The following DST variants were observed in gnomAD, a reference collection of about 807,000 sequenced individuals.
DST encodes dystonin.
Under a neutral mutation model 875.2 loss-of-function variants are expected in DST, and 253 were observed. That is an observed-to-expected ratio of 0.29 (90% CI 0.26 to 0.32). The LOEUF is 0.32. DST is among the 10% of genes least tolerant of loss of function. The pLI is 1.00. For missense variants in DST, 8,287 were observed against 9,111.6 expected, an observed-to-expected ratio of 0.91 and a Z score of 3.68; for synonymous variants, 3,124 against 3,197.1, an observed-to-expected ratio of 0.98 and a Z score of 0.77.
intron 63 of DST, among the ~76,000 whole-genome samples, chr6:56,533,434 A>C (rs1291011067): frequency 6.6e-6 from 1 of 152,224 alleles, no homozygotes; most frequent in Non-Finnish European, 1.5e-5. Flanking sequence ...CCAGAAGTAA[A>C]AAGCTAAAAG....
chr6:56,494,663 G>T (rs1370833179), intron 82 of DST, among the ~76,000 whole-genome samples: 1 of 152,098 alleles, frequency 6.6e-6, no homozygotes, highest in East Asian at 1.9e-4. Context: ...AACCAGCACA[G>T]TAATATATTT....
At chr6:56,834,424 C>A (rs1283446630) in intron 4 of DST, among the ~76,000 whole-genome samples, 5 of 152,052 alleles carry the variant, frequency 3.3e-5, no homozygotes, top group African/African-American at 1.2e-4. Context: ...TGGTGAAACT[C>A]CATCTCTACT....
chr6:56,939,563 T>C (rs142817226), intron 2 of DST, among the ~76,000 whole-genome samples: 17 of 152,340 alleles, frequency 1.1e-4, no homozygotes, highest in African/African-American at 3.8e-4. Flanking sequence ...GAAAAATTAC[T>C]TACATAAAGA....
At chr6:56,811,057 ACCTGTAGTCCCAGCTACTT>A (rs1561954871) in intron 4 of DST, among the ~76,000 whole-genome samples, 1 of 151,646 alleles carries the variant, frequency 6.6e-6, no homozygotes, top group African/African-American at 2.4e-5. Flanking sequence ...GGTGGCATGC[ACCTGTAGTCCCAGCTACTT>A]GGGAGGCTGA....
chr6:56,634,018 G>C, intron 27 of DST, 114 bp downstream of exon 27: 1 of 1,207,966 alleles, frequency 8.3e-7, no homozygotes, highest in Non-Finnish European at 1.2e-6. Context: ...ATGAATATTA[G>C]CATGGATTTG....
intron 64 of DST, among the ~76,000 whole-genome samples, chr6:56,531,415 G>A (rs756947281): frequency 6.6e-6 from 1 of 152,092 alleles, no homozygotes; most frequent in Non-Finnish European, 1.5e-5. Context: ...GGCAGCCAGG[G>A]CACAGCTCCC....
chr6:56,676,004 A>G (rs2099127388), intron 9 of DST, among the ~76,000 whole-genome samples: 1 of 152,198 alleles, frequency 6.6e-6, no homozygotes, highest in Admixed American at 6.5e-5. Context: ...TAAAACCACA[A>G]TGAGGTATCA....
chr6:56,616,644 T>C (rs2098626896), intron 36 of DST: 1 of 1,614,188 alleles, frequency 6.2e-7, no homozygotes, highest in Admixed American at 1.7e-5. Context: ...ATGGCATTAT[T>C]CAACAACCCC....
chr6:56,620,482 C>T, intron 36 of DST: 1 of 1,614,116 alleles, frequency 6.2e-7, no homozygotes, highest in Non-Finnish European at 8.5e-7. Flanking sequence ...TTATCTTCTG[C>T]AGAGAGATAT....
chr6:56,605,491 T>C lies in DST; in HGVS notation c.9137A>G (p.Asp3046Gly), dbSNP rs76282567. ...GTACATTTTCTGAATTGATGTTTCA[T>C]CTTCTATTAGAATATCACTTTTGCC... The part of the protein sequence containing the change: ...RDGKSDILIE[D>G]ETSIQKMYLG... Residue 3046 changes from aspartate (D) to glycine (G), a missense_variant, in exon 40 of 104, where the codon GAT (aspartate) becomes GGT (glycine). Physicochemically the swap from Asp to Gly is moderately conservative, Grantham distance 94. Around this residue, in one of 10 missense-constraint regions of DST, gnomAD observed 3,138 missense variants for 3,116.6 expected, o/e 1.01. Coordinates refer to ENST00000680361, the MANE Select transcript of DST (RefSeq NM_001374736.1). 1.9e-3 allele frequency: 2,999 copies of C among 1,612,996 alleles called. 51 individuals carry two copies. The African/African-American group carries it at 0.035, about 19-fold the overall frequency.
chr6:56,816,813 C>G (rs1207277323), intron 4 of DST, among the ~76,000 whole-genome samples: 2 of 143,566 alleles, frequency 1.4e-5, no homozygotes, highest in Non-Finnish European at 3.1e-5. Flanking sequence ...TTTAAATAGG[C>G]TGATTTTTTT....
chr6:56,636,724 CT>C, intron 22 of DST, 72 bp from the exon 23 acceptor site: 1 of 1,174,196 alleles, frequency 8.5e-7, no homozygotes. Context: ...GATATCGATG[CT>C]TCTAAATGCT....
chr6:56,489,344 G>C, intron 86 of DST, 146 bp downstream of exon 86: 1 of 646,686 alleles, frequency 1.5e-6, no homozygotes, highest in Non-Finnish European at 2.3e-6. Context: ...GCAACATGAA[G>C]AGCAATAGCT....
intron 2 of DST, among the ~76,000 whole-genome samples, chr6:56,944,365 A>AC (rs1818317944): frequency 6.6e-6 from 1 of 152,086 alleles, no homozygotes; most frequent in Non-Finnish European, 1.5e-5. Flanking sequence ...CAAAAAAAAA[A>AC]CACTAAATTG....
In DST at chr6:56,527,627, G is replaced by T. The variant is rs753220103; in HGVS notation, c.17788C>A (p.Gln5930Lys). 6.2e-7 allele frequency: 1 copy of T among 1,613,810 alleles called. No individual in the cohort carries two copies. Among genetic ancestry groups the T allele is most frequent in the East Asian group, 2.2e-5 (1 of 44,880 alleles). Residue 5930 changes from glutamine to lysine, a missense_variant, in exon 68 of 104, where the codon CAG (glutamine) becomes AAG (lysine). Physicochemically the swap from Gln to Lys is moderately conservative, Grantham distance 53. This residue lies in a region of DST where 777 missense variants were observed against 764.8 expected (regional missense o/e 1.02). Transcript: ENST00000680361. The stretch of plus-strand genomic sequence containing the variant: ...GTGGAGTGCAGCCGCCTTGCAAGCT[G>T]CAGCGCCTGTTCCAGAGTCTTGGCC... ...DVAKTLEQAL[Q>K]LARRLHSTHE...
intron 22 of DST, among the ~76,000 whole-genome samples, chr6:56,637,165 A>G (rs2098834118): frequency 6.6e-6 from 1 of 152,140 alleles, no homozygotes; most frequent in South Asian, 2.1e-4. Flanking sequence ...AAGACTTCTC[A>G]CTTGTACAAA....
Position 56,604,033 on chromosome 6 carries a change from A to G in DST, c.10595T>C (p.Ile3532Thr). ...ATAGTAGTTTCCTTCTTTGCTTTTA[A>G]TATCACCAAGAATATGTGGCTTTTC... ...MEEKPHILGD[I>T]KSKEGNYYSP... is the part of the protein sequence containing the mutation. Residue 3532 changes from isoleucine to threonine, a missense_variant, in exon 40 of 104, where the codon ATT becomes ACT. By Grantham distance (89) the Ile-to-Thr change is moderately conservative. Transcript: ENST00000680361. 1 of 1,592,230 alleles carries G rather than the reference A, an allele frequency of 6.3e-7. No homozygotes were observed. The highest frequency in any genetic ancestry group is 1.8e-5 in the Admixed American group (1 of 56,700).
At chr6:56,938,811 C>T (rs1814672695) in intron 2 of DST, among the ~76,000 whole-genome samples, 1 of 152,168 alleles carries the variant, frequency 6.6e-6, no homozygotes, top group African/African-American at 2.4e-5. Context: ...AGTTGGCTTA[C>T]TGGAAGAGGA....
chr6:56,729,012 A>ACACG (rs1554679769), intron 5 of DST, among the ~76,000 whole-genome samples: 2 of 150,894 alleles, frequency 1.3e-5, no homozygotes, highest in Admixed American at 1.3e-4. Context: ...ACACACACAC[A>ACACG]CGACTGGGGA....
Sources: gnomAD v4.1 joint callset for allele counts (sites outside exome capture counted in the v4.1 genomes callset) on GRCh38, gnomAD v4.1.1 for gene constraint, gnomAD v4.1.1 regional missense constraint, MANE v1.5 for transcripts, NCBI Gene and HGNC (gene_info 2026-07-23, HGNC 2026-07-21) for gene names.